The following NELL2 variants were observed in gnomAD, a reference collection of about 807,000 sequenced individuals.
NELL2 encodes the protein neural EGFL like 2.
A neutral mutation model predicts 109.6 loss-of-function variants in NELL2; 41 were observed. That is an observed-to-expected ratio of 0.37 (90% CI 0.29 to 0.49). The LOEUF (loss-of-function observed/expected upper bound fraction) is 0.49. Among genes scored for constraint, NELL2 ranks in the 20% least tolerant of loss-of-function variants. NELL2 has a pLI of 0.98. For missense variants in NELL2, 900 were observed against 1,008.3 expected (o/e 0.89, Z 1.45); for synonymous variants, 355 against 344.7 (o/e 1.03, Z -0.33).
chr12:44,726,721 GAAAA>G, intron 9 of NELL2, among the ~76,000 whole-genome samples: 1 of 152,134 alleles, frequency 6.6e-6, no homozygotes, highest in Middle Eastern at 3.4e-3. Flanking sequence ...TTTAAAATGA[GAAAA>G]ACAGTACTTT....
intron 9 of NELL2, among the ~76,000 whole-genome samples, chr12:44,718,295 A>G (rs1314520276): frequency 6.6e-6 from 1 of 152,214 alleles, no homozygotes; most frequent in African/African-American, 2.4e-5. Flanking sequence ...GCTGGCTACC[A>G]CAATGGCTAC....
intron 8 of NELL2, among the ~76,000 whole-genome samples, chr12:44,775,212 C>T (rs1021570709): frequency 1.4e-5 from 2 of 146,408 alleles, no homozygotes; most frequent in Admixed American, 6.6e-5. Context: ...ATCATGCACA[C>T]GAACATGCAC....
intron 2 of NELL2, 117 bp from the exon 3 acceptor site, chr12:44,816,253 C>G (rs1426827696): frequency 1.2e-6 from 1 of 808,184 alleles, no homozygotes; most frequent in African/African-American, 1.8e-5. Flanking sequence ...CTGATAAATA[C>G]TGAGTTTCAG....
intron 12 of NELL2, among the ~76,000 whole-genome samples, chr12:44,686,640 A>T (rs1041766238): frequency 3.3e-5 from 5 of 150,982 alleles, no homozygotes; most frequent in Non-Finnish European, 5.9e-5. Flanking sequence ...AACAGACAGG[A>T]CCCTCAGCTG....
chr12:44,741,884 C>G (rs901443502), intron 9 of NELL2, among the ~76,000 whole-genome samples: 1 of 152,232 alleles, frequency 6.6e-6, no homozygotes, highest in African/African-American at 2.4e-5. Context: ...CCTCTGTGGG[C>G]AGGGCACAGA....
At chr12:44,668,320 C>T (rs1948009496) in intron 12 of NELL2, among the ~76,000 whole-genome samples, 1 of 152,156 alleles carries the variant, frequency 6.6e-6, no homozygotes, top group Non-Finnish European at 1.5e-5. Context: ...TGACAACGAT[C>T]CTGCCCTCTC....
intron 15 of NELL2, among the ~76,000 whole-genome samples, chr12:44,541,589 A>G (rs1942574982): frequency 6.6e-6 from 1 of 152,208 alleles, no homozygotes; most frequent in Admixed American, 6.5e-5. Context: ...GCTTCTGATT[A>G]AAGAGAAATT....
intron 9 of NELL2, among the ~76,000 whole-genome samples, chr12:44,762,191 C>T (rs1201455557): frequency 1.3e-5 from 2 of 152,156 alleles, no homozygotes; most frequent in Non-Finnish European, 2.9e-5. Flanking sequence ...TACATTGCCA[C>T]TTAAATGGCT....
intron 2 of NELL2, among the ~76,000 whole-genome samples, chr12:44,873,608 C>A (rs572344849): frequency 6.6e-6 from 1 of 152,068 alleles, no homozygotes; most frequent in South Asian, 2.1e-4. Context: ...CACTACAATA[C>A]CATTTGTTTA....
chr12:44,543,406 A>G (rs893763060), intron 15 of NELL2, among the ~76,000 whole-genome samples: 3 of 152,112 alleles, frequency 2.0e-5, no homozygotes, highest in Non-Finnish European at 4.4e-5. Flanking sequence ...CCCTGATTCC[A>G]TCTTTCCCTC....
chr12:44,804,848 A>G (rs1280047835), intron 3 of NELL2, among the ~76,000 whole-genome samples: 1 of 151,912 alleles, frequency 6.6e-6, no homozygotes, highest in Non-Finnish European at 1.5e-5. Flanking sequence ...TTTTGTTATT[A>G]TACTCTGAGT....
At chr12:44,774,439 G>T (rs1941669621) in intron 9 of NELL2, among the ~76,000 whole-genome samples, 2 of 152,100 alleles carry the variant, frequency 1.3e-5, no homozygotes, top group Non-Finnish European at 2.9e-5. Flanking sequence ...TAACCTATTT[G>T]GGAGACACTT....
intron 9 of NELL2, among the ~76,000 whole-genome samples, chr12:44,739,946 A>C (rs1256005174): frequency 1.3e-5 from 2 of 152,178 alleles, no homozygotes; most frequent in Non-Finnish European, 2.9e-5. Context: ...ATGATCATTC[A>C]TTTTCATTTT....
chr12:44,817,102 G>C (rs1392268122), intron 2 of NELL2, among the ~76,000 whole-genome samples: 1 of 152,124 alleles, frequency 6.6e-6, no homozygotes, highest in Non-Finnish European at 1.5e-5. Flanking sequence ...ATCCTTCTTT[G>C]TGCAGGATTG....
intron 2 of NELL2, among the ~76,000 whole-genome samples, chr12:44,864,836 C>T (rs1223792325): frequency 6.6e-6 from 1 of 152,166 alleles, no homozygotes; most frequent in East Asian, 1.9e-4. Flanking sequence ...AAAGTTTTAA[C>T]AATGTGTCTT....
At chr12:44,695,453 T>G (rs959169355) in intron 12 of NELL2, among the ~76,000 whole-genome samples, 2 of 152,178 alleles carry the variant, frequency 1.3e-5, no homozygotes, top group African/African-American at 4.8e-5. Flanking sequence ...ATCCTAGCAC[T>G]TAAGAAGGCT....
chr12:44,766,415 G>A (rs556527596), intron 9 of NELL2, among the ~76,000 whole-genome samples: 3 of 152,218 alleles, frequency 2.0e-5, no homozygotes, highest in East Asian at 1.9e-4. Context: ...TTGGGTTGTC[G>A]GAATTGCTAC....
chr12:44,602,223 C>G (rs186727723), intron 15 of NELL2, among the ~76,000 whole-genome samples: 1 of 152,232 alleles, frequency 6.6e-6, no homozygotes, highest in Admixed American at 6.5e-5. Flanking sequence ...TCACTGGAGA[C>G]AGTTTCAAGA....
Position 44,840,649 on chromosome 12 carries a change from A to AT in NELL2, c.185-24514_185-24513insA, listed in dbSNP as rs143712221. 5.9e-3 allele frequency among the ~76,000 whole-genome samples: 904 copies of AT among 152,040 alleles called. 37 individuals are homozygous for AT. The East Asian group carries it at 0.13, about 22-fold the overall frequency. ...AGACTCCGTCTCAAAAAAAAAAAAA[A>AT]GCCATAATATATGCTGTATTGATTG... On this transcript the variant is annotated intron_variant, in intron 2 of 19. Transcript: ENST00000429094.
Sources: allele counts gnomAD v4.1 joint callset (sites outside exome capture counted in the v4.1 genomes callset), GRCh38; gene constraint gnomAD v4.1.1; transcripts MANE v1.5; gene names NCBI Gene and HGNC (gene_info 2026-07-23, HGNC 2026-07-21).